The following MBNL3 variants were observed in gnomAD, a reference collection of about 807,000 sequenced individuals.
MBNL3 encodes muscleblind-like protein 3.
MBNL3 carries 6 observed loss-of-function variants against 24.5 expected under a neutral mutation model. That is an observed-to-expected ratio of 0.25 (90% CI 0.13 to 0.48). The LOEUF (loss-of-function observed/expected upper bound fraction) is 0.48. Among genes scored for constraint, MBNL3 ranks in the 20% least tolerant of loss-of-function variants. MBNL3 has a pLI of 0.99. For missense variants in MBNL3, 230 were observed against 293.5 expected (o/e 0.78, Z 1.58); for synonymous variants, 100 against 101.7 (o/e 0.98, Z 0.10).
chrX:132,471,022 C>G (rs149915558), intron 1 of MBNL3, among the ~76,000 whole-genome samples: 2,525 of 111,321 alleles, frequency 0.023, 61 homozygotes, highest in African/African-American at 0.078. Context: ...TCTCTCTGAG[C>G]CCCATGTTCC....
chrX:132,463,187 C>T (rs1946715108), intron 1 of MBNL3, among the ~76,000 whole-genome samples: 1 of 112,305 alleles, frequency 8.9e-6, no homozygotes, highest in Non-Finnish European at 1.9e-5. Context: ...TGAGGCGGGG[C>T]GCCGTGGCTC....
At chrX:132,403,071 T>G (rs1941206700) in intron 3 of MBNL3, among the ~76,000 whole-genome samples, 1 of 111,250 alleles carries the variant, frequency 9.0e-6, no homozygotes, top group Non-Finnish European at 1.9e-5. Flanking sequence ...TGGGTAGGGG[T>G]GATTAAAAGG....
At chrX:132,485,459 C>T (rs182149784) in intron 1 of MBNL3, among the ~76,000 whole-genome samples, 15 of 112,120 alleles carry the variant, frequency 1.3e-4, no homozygotes, top group South Asian at 7.4e-4. Flanking sequence ...AAAATATTTT[C>T]TTATCCCTTT....
At chrX:132,437,075 A>G (rs1341163675) in intron 2 of MBNL3, among the ~76,000 whole-genome samples, 1 of 111,879 alleles carries the variant, frequency 8.9e-6, no homozygotes, top group African/African-American at 3.2e-5. Context: ...GTAGTGCAGC[A>G]CGCATTTTGT....
chrX:132,396,545 CCTATATATTCCTA>C (rs1569424316), intron 3 of MBNL3, among the ~76,000 whole-genome samples: 17 of 47,443 alleles, frequency 3.6e-4, no homozygotes, highest in Admixed American at 1.3e-3. Context: ...TATATATATT[CCTATATATTCCTA>C]TATATATTCC....
intron 5 of MBNL3, among the ~76,000 whole-genome samples, chrX:132,388,126 A>G (rs1304336918): frequency 8.9e-6 from 1 of 111,891 alleles, no homozygotes; most frequent in East Asian, 2.8e-4. Flanking sequence ...CCTGTGGATA[A>G]CAAAGGTCTC....
upstream of MBNL3, chrX:132,489,802 C>G (rs1948202477): frequency 9.1e-6 from 1 of 110,136 alleles, no homozygotes; most frequent in Non-Finnish European, 1.9e-5. Flanking sequence ...GCGGCGCCGC[C>G]GCCAACCTCA....
chrX:132,424,626 G>C (rs929746673), intron 2 of MBNL3, among the ~76,000 whole-genome samples: 2 of 111,481 alleles, frequency 1.8e-5, no homozygotes, highest in Non-Finnish European at 3.8e-5. Flanking sequence ...CTTTTCATGA[G>C]TATGTTACTC....
rs1049665844 is a variant in MBNL3 at position 132,369,724 on chromosome X, A to G, written c.*9942T>C. The G allele has an allele frequency of 8.0e-5, 9 of 111,868 alleles. No homozygotes were observed. Among genetic ancestry groups the G allele is most frequent in the African/African-American group, 2.9e-4 (9 of 30,707 alleles). The allele number at this position is 111,868 out of a possible 1,213,427, so 9.2% of individuals were successfully genotyped here. Reference sequence around the variant, plus strand: ...TTACACTATGATTTTTTAAAAATAAATCTTTCCTTGTACTTGTACATGCCT... The same window carrying G: ...TTACACTATGATTTTTTAAAAATAAGTCTTTCCTTGTACTTGTACATGCCT... On this transcript the variant is annotated 3_prime_UTR_variant, in exon 9 of 9. Transcript: ENST00000370853.
At chrX:132,415,396 T>C (rs1399739011) in intron 2 of MBNL3, among the ~76,000 whole-genome samples, 1 of 112,289 alleles carries the variant, frequency 8.9e-6, no homozygotes, top group East Asian at 2.8e-4. Context: ...AGAAAGGCAC[T>C]GATTATTGTT....
intron 1 of MBNL3, among the ~76,000 whole-genome samples, chrX:132,458,591 C>A (rs1946489671): frequency 9.0e-6 from 1 of 110,857 alleles, no homozygotes; most frequent in South Asian, 3.9e-4. Context: ...GGTTGGCCCA[C>A]TTTATAACAA....
Position 132,375,294 on chromosome X carries a change from G to A in MBNL3, c.*4372C>T, listed in dbSNP as rs1408076912. On this transcript the variant is annotated 3_prime_UTR_variant, in exon 9 of 9. Coordinates refer to ENST00000370853, the MANE Select transcript of MBNL3 (RefSeq NM_001386889.1). Reference sequence around the variant, plus strand: ...ATAACAATTATTATTTGTATATAAAGTTAAATTTGTTCTTAAATTGTGAAC... The same window carrying A: ...ATAACAATTATTATTTGTATATAAAATTAAATTTGTTCTTAAATTGTGAAC... The A allele has an allele frequency of 9.0e-6, 1 of 111,555 alleles. No homozygotes were observed. The highest frequency in any genetic ancestry group is 3.3e-5 in the African/African-American group (1 of 30,720). 9.2% of individuals were successfully genotyped at this position (111,555 alleles called of 1,213,427 possible). A position where few individuals can be genotyped will look rare whatever the true frequency, so the allele number is the denominator to read the frequency against.
At chrX:132,438,843 G>A (rs764744069) in intron 2 of MBNL3, among the ~76,000 whole-genome samples, 1 of 106,603 alleles carries the variant, frequency 9.4e-6, no homozygotes. Context: ...TGTCCAGGAG[G>A]AAAATTAAGT....
At chrX:132,415,631 T>C (rs1204400769) in intron 2 of MBNL3, among the ~76,000 whole-genome samples, 1 of 111,734 alleles carries the variant, frequency 8.9e-6, no homozygotes, top group African/African-American at 3.3e-5. Context: ...ATGTAAAACA[T>C]TGTACCAAAA....
At chrX:132,399,236 A>G (rs1244740347) in intron 3 of MBNL3, among the ~76,000 whole-genome samples, 1 of 111,936 alleles carries the variant, frequency 8.9e-6, no homozygotes, top group African/African-American at 3.2e-5. Context: ...TTCTCCACTG[A>G]GGAAGACTTT....
chrX:132,471,685 C>T (rs1251268205), intron 1 of MBNL3, among the ~76,000 whole-genome samples: 1 of 112,465 alleles, frequency 8.9e-6, no homozygotes, highest in Non-Finnish European at 1.9e-5. Flanking sequence ...AGTGAGACCC[C>T]CTTTTCATAA....
chrX:132,476,616 C>T (rs763497707), intron 1 of MBNL3, among the ~76,000 whole-genome samples: 1 of 111,920 alleles, frequency 8.9e-6, no homozygotes, highest in East Asian at 2.8e-4. Context: ...TCTTGAGTTC[C>T]ATGTATACCT....
At chrX:132,450,336 T>C (rs7879889) in intron 1 of MBNL3, among the ~76,000 whole-genome samples, 2,566 of 111,521 alleles carry the variant, frequency 0.023, 60 homozygotes, top group African/African-American at 0.079. Context: ...CATAGTCCCA[T>C]ATTTCTTTGG....
chrX:132,444,765 GATTCTCT>G (rs773790988), intron 1 of MBNL3, among the ~76,000 whole-genome samples: 1 of 111,333 alleles, frequency 9.0e-6, no homozygotes, highest in African/African-American at 3.3e-5. Flanking sequence ...ATACATAATA[GATTCTCT>G]ATTAAGTGCA....
Sources: allele counts gnomAD v4.1 joint callset (sites outside exome capture counted in the v4.1 genomes callset), GRCh38; gene constraint gnomAD v4.1.1; transcripts MANE v1.5; gene names NCBI Gene and HGNC (gene_info 2026-07-23, HGNC 2026-07-21).